The following FER variants were observed in gnomAD, a reference collection of about 807,000 sequenced individuals.
The protein encoded by FER is FER tyrosine kinase.
Under a neutral mutation model 111.0 loss-of-function variants are expected in FER, and 63 were observed. The ratio of observed to expected loss-of-function variants is 0.57; its 90% CI spans 0.46 to 0.70. FER has a LOEUF of 0.70. Ranked by LOEUF, FER falls within the 30% of genes least tolerant of loss-of-function variation. FER has a pLI of 0.00. For synonymous variants in FER, 327 were observed against 313.9 expected (o/e 1.04, Z -0.44); for missense variants, 914 against 954.0 (o/e 0.96, Z 0.55).
chr5:109,022,923 A>G (rs1768124519), intron 13 of FER, among the ~76,000 whole-genome samples: 1 of 152,132 alleles, frequency 6.6e-6, no homozygotes, highest in Non-Finnish European at 1.5e-5. Flanking sequence ...TGCTATAGAT[A>G]ATAGCTTGGT....
At chr5:109,040,179 G>T (rs904522736) in intron 14 of FER, among the ~76,000 whole-genome samples, 5 of 151,998 alleles carry the variant, frequency 3.3e-5, no homozygotes, top group Admixed American at 1.3e-4. Context: ...GGAAACTATT[G>T]GGTATTAAGT....
intron 10 of FER, among the ~76,000 whole-genome samples, chr5:108,914,248 TGTG>T (rs2150364656): frequency 6.6e-6 from 1 of 152,128 alleles, no homozygotes; most frequent in African/African-American, 2.4e-5. Context: ...TGTGTGTGTG[TGTG>T]TGTGTGTGTG....
At chr5:108,755,673 A>T (rs1447970293) in intron 1 of FER, among the ~76,000 whole-genome samples, 1 of 151,578 alleles carries the variant, frequency 6.6e-6, no homozygotes, top group Non-Finnish European at 1.5e-5. Context: ...TTTAGTAGAG[A>T]TGGGGTTTCA....
At chr5:108,772,213 G>A (rs1008214048) in intron 2 of FER, among the ~76,000 whole-genome samples, 36 of 151,688 alleles carry the variant, frequency 2.4e-4, no homozygotes, top group Middle Eastern at 3.4e-3. Context: ...CTGTCACCTT[G>A]GGGGGTTAAG....
intron 3 of FER, among the ~76,000 whole-genome samples, chr5:108,825,815 G>C (rs1305648441): frequency 2.0e-5 from 3 of 152,204 alleles, no homozygotes; most frequent in Admixed American, 1.3e-4. Flanking sequence ...ACGTTCTTCT[G>C]TCATGGCTTC....
At chr5:108,993,310 G>T (rs923849535) in intron 13 of FER, among the ~76,000 whole-genome samples, 5 of 152,366 alleles carry the variant, frequency 3.3e-5, no homozygotes, top group Non-Finnish European at 7.3e-5. Context: ...GCCGAGGCTG[G>T]CGGATCACTC....
At chr5:108,789,316 A>G (rs1755090214) in intron 2 of FER, among the ~76,000 whole-genome samples, 1 of 151,838 alleles carries the variant, frequency 6.6e-6, no homozygotes, top group Admixed American at 6.6e-5. Flanking sequence ...GCCATCTCCC[A>G]CTACTTGTCA....
At chr5:108,891,476 A>C (rs968823790) in intron 9 of FER, 3 of 151,946 alleles carry the variant, frequency 2.0e-5, no homozygotes, top group African/African-American at 7.2e-5. Context: ...GATTGTTCAC[A>C]GTCAGTTATA....
chr5:109,138,891 T>C (rs768474670), intron 17 of FER, among the ~76,000 whole-genome samples: 4 of 152,156 alleles, frequency 2.6e-5, no homozygotes, highest in Non-Finnish European at 5.9e-5. Context: ...ATTCTTGATA[T>C]GACAGGGTAA....
At chr5:108,812,635 T>C (rs1757880545) in intron 3 of FER, among the ~76,000 whole-genome samples, 1 of 152,144 alleles carries the variant, frequency 6.6e-6, no homozygotes, top group African/African-American at 2.4e-5. Context: ...TCTTTTTATG[T>C]TCTTATATTC....
chr5:109,035,478 T>C (rs1770251794), intron 13 of FER, among the ~76,000 whole-genome samples: 1 of 152,216 alleles, frequency 6.6e-6, no homozygotes, highest in Admixed American at 6.5e-5. Context: ...GTAAGTTCCT[T>C]TTTATTGCCG....
At chr5:109,112,988 A>G (rs1054291447) in intron 17 of FER, among the ~76,000 whole-genome samples, 2 of 152,162 alleles carry the variant, frequency 1.3e-5, no homozygotes, top group African/African-American at 4.8e-5. Flanking sequence ...CTCTCGAGTC[A>G]TCTGTCTTTC....
At chr5:109,042,262 A>G (rs1771287891) in intron 14 of FER, among the ~76,000 whole-genome samples, 1 of 152,140 alleles carries the variant, frequency 6.6e-6, no homozygotes, top group African/African-American at 2.4e-5. Flanking sequence ...GCAGCAGCAG[A>G]GATGAAGTCA....
chr5:108,764,733 T>G (rs1752127839), intron 1 of FER, among the ~76,000 whole-genome samples: 2 of 152,226 alleles, frequency 1.3e-5, no homozygotes, highest in Non-Finnish European at 2.9e-5. Flanking sequence ...AAAATTATAC[T>G]TAAATTCTTT....
At chr5:109,013,173 A>C (rs1282009183) in intron 13 of FER, among the ~76,000 whole-genome samples, 1 of 150,904 alleles carries the variant, frequency 6.6e-6, no homozygotes, top group Non-Finnish European at 1.5e-5. Flanking sequence ...TGGTGTGCTG[A>C]ACCCAGTAAC....
chr5:108,905,844 GGTTTAAATGTTAA>G (rs1750683544), intron 10 of FER, among the ~76,000 whole-genome samples: 1 of 152,066 alleles, frequency 6.6e-6, no homozygotes. Flanking sequence ...TTTTTAAAAT[GGTTTAAATGTTAA>G]AATTGTTTTC....
At chr5:108,878,188 G>GGT (rs1765291149) in intron 8 of FER, among the ~76,000 whole-genome samples, 1 of 151,712 alleles carries the variant, frequency 6.6e-6, no homozygotes, top group African/African-American at 2.4e-5. Flanking sequence ...ATTACATTCG[G>GGT]GAGCCAACAT....
At chr5:108,931,525 TA>T (rs1754673878) in intron 10 of FER, among the ~76,000 whole-genome samples, 1 of 152,208 alleles carries the variant, frequency 6.6e-6, no homozygotes, top group African/African-American at 2.4e-5. Context: ...TAATATTGCA[TA>T]GTTTTCATTC....
At chr5:108,982,699 T>G (rs990350474) in intron 13 of FER, among the ~76,000 whole-genome samples, 1 of 152,134 alleles carries the variant, frequency 6.6e-6, no homozygotes, top group African/African-American at 2.4e-5. Context: ...TTCTTAAACC[T>G]ATGTTTGGTC....
Sources: gnomAD v4.1 joint callset for allele counts (sites outside exome capture counted in the v4.1 genomes callset) on GRCh38, gnomAD v4.1.1 for gene constraint, MANE v1.5 for transcripts, NCBI Gene and HGNC (gene_info 2026-07-23, HGNC 2026-07-21) for gene names.